The following CNIH3 variants were observed in gnomAD, a reference collection of about 807,000 sequenced individuals.
CNIH3 encodes protein cornichon homolog 3.
A neutral mutation model predicts 24.1 loss-of-function variants in CNIH3; 14 were observed. That is an observed-to-expected ratio of 0.58 (90% CI 0.38 to 0.91). The LOEUF (loss-of-function observed/expected upper bound fraction) is 0.91, where lower values mean the gene tolerates loss of function less well. CNIH3 is among the 40% of genes least tolerant of loss of function. The probability of loss-of-function intolerance (pLI) is 0.00; values close to 1 mark genes in which losing one functional copy is unlikely to be tolerated. For synonymous variants in CNIH3, 68 were observed against 73.8 expected, an observed-to-expected ratio of 0.92 and a Z score of 0.40; for missense variants, 178 against 196.8, an observed-to-expected ratio of 0.90 and a Z score of 0.57.
At chr1:224,495,195 T>A (rs531978101) in intron 1 of CNIH3, among the ~76,000 whole-genome samples, 1 of 152,174 alleles carries the variant, frequency 6.6e-6, no homozygotes, top group Non-Finnish European at 1.5e-5. Flanking sequence ...AGCCTCCTCA[T>A]GTAAGGACTT....
At chr1:224,622,055 G>T (rs1683309779) in intron 1 of CNIH3, among the ~76,000 whole-genome samples, 1 of 152,188 alleles carries the variant, frequency 6.6e-6, no homozygotes, top group African/African-American at 2.4e-5. Flanking sequence ...CCATGATCAT[G>T]AGGCCTCCTC....
At chr1:224,567,417 G>A (rs1195217124) in intron 4 of CNIH3, among the ~76,000 whole-genome samples, 2 of 152,066 alleles carry the variant, frequency 1.3e-5, no homozygotes, top group African/African-American at 2.4e-5. Context: ...CATTGCTTTC[G>A]GTATTTTAGA....
At chr1:224,476,558 T>C (rs890804599) in intron 1 of CNIH3, among the ~76,000 whole-genome samples, 1 of 152,190 alleles carries the variant, frequency 6.6e-6, no homozygotes, top group African/African-American at 2.4e-5. Context: ...TTTTTTTGTC[T>C]GAATAGGAAA....
chr1:224,728,374 C>A (rs888236947), intron 3 of CNIH3, among the ~76,000 whole-genome samples: 1 of 152,064 alleles, frequency 6.6e-6, no homozygotes, highest in African/African-American at 2.4e-5. Flanking sequence ...TAAGGAGATA[C>A]AATAGGGACA....
chr1:224,561,866 A>G (rs1410319590), intron 3 of CNIH3, among the ~76,000 whole-genome samples: 1 of 152,200 alleles, frequency 6.6e-6, no homozygotes, highest in Admixed American at 6.5e-5. Context: ...GTCATGCTTC[A>G]GTGTCAAAGG....
At chr1:224,726,658 C>T (rs1339584561) in intron 3 of CNIH3, among the ~76,000 whole-genome samples, 4 of 152,250 alleles carry the variant, frequency 2.6e-5, no homozygotes, top group East Asian at 1.9e-4. Flanking sequence ...AGGTTTTACT[C>T]GCCCTTTCCA....
intron 4 of CNIH3, among the ~76,000 whole-genome samples, chr1:224,733,962 T>A (rs1234233819): frequency 1.3e-5 from 2 of 152,140 alleles, no homozygotes; most frequent in East Asian, 1.9e-4. Context: ...TACACACAGT[T>A]CGCGTTAGCT....
chr1:224,535,771 G>A (rs538566305), intron 2 of CNIH3, among the ~76,000 whole-genome samples: 6 of 152,324 alleles, frequency 3.9e-5, no homozygotes, highest in African/African-American at 1.4e-4. Context: ...AACAGTGGGT[G>A]CCATTAAATC....
intron 1 of CNIH3, among the ~76,000 whole-genome samples, chr1:224,441,869 A>G (rs1248515171): frequency 6.6e-6 from 1 of 152,194 alleles, no homozygotes; most frequent in Non-Finnish European, 1.5e-5. Flanking sequence ...CCTAAATTTT[A>G]AAAAATTTAT....
intron 1 of CNIH3, among the ~76,000 whole-genome samples, chr1:224,506,265 G>GCA (rs1287404274): frequency 1.6e-4 from 17 of 105,418 alleles, no homozygotes; most frequent in East Asian, 5.9e-4. Context: ...TCATATGCAC[G>GCA]CACACGCGCG....
chr1:224,562,100 G>A (rs1164543243), intron 3 of CNIH3, among the ~76,000 whole-genome samples: 1 of 152,104 alleles, frequency 6.6e-6, no homozygotes, highest in African/African-American at 2.4e-5. Context: ...GCTAATTAAG[G>A]GATTTTTGTG....
chr1:224,479,901 G>A (rs1019144200), intron 1 of CNIH3, among the ~76,000 whole-genome samples: 1 of 152,188 alleles, frequency 6.6e-6, no homozygotes, highest in Non-Finnish European at 1.5e-5. Context: ...CTACCATTTG[G>A]GGGTCTGGAG....
chr1:224,496,814 C>T (rs1171200873), intron 1 of CNIH3, among the ~76,000 whole-genome samples: 4 of 152,126 alleles, frequency 2.6e-5, no homozygotes, highest in African/African-American at 9.7e-5. Context: ...AATGCAATAC[C>T]ATAGCTGATA....
intron 1 of CNIH3, among the ~76,000 whole-genome samples, chr1:224,626,749 T>C (rs1683552321): frequency 6.6e-6 from 1 of 152,118 alleles, no homozygotes; most frequent in South Asian, 2.1e-4. Flanking sequence ...CTCCAGCCGG[T>C]CTCCCACAAC....
At chr1:224,635,306 A>G (rs570704163) in intron 1 of CNIH3, among the ~76,000 whole-genome samples, 1 of 152,166 alleles carries the variant, frequency 6.6e-6, no homozygotes, top group African/African-American at 2.4e-5. Context: ...ACACTTGGGG[A>G]TTACTATTCG....
chr1:224,649,151 G>A (rs1280687690), intron 1 of CNIH3, among the ~76,000 whole-genome samples: 2 of 152,194 alleles, frequency 1.3e-5, no homozygotes, highest in African/African-American at 4.8e-5. Flanking sequence ...CATATAAGGT[G>A]ATTAAGTCAA....
At chr1:224,670,638 C>A (rs1481550549) in intron 1 of CNIH3, among the ~76,000 whole-genome samples, 4 of 152,166 alleles carry the variant, frequency 2.6e-5, no homozygotes, top group Non-Finnish European at 4.4e-5. Flanking sequence ...ACACACTTTT[C>A]CCAACTTGCT....
intron 3 of CNIH3, among the ~76,000 whole-genome samples, chr1:224,705,586 G>C (rs1426389405): frequency 1.3e-5 from 2 of 152,218 alleles, no homozygotes; most frequent in East Asian, 3.8e-4. Context: ...GGATGTTCAA[G>C]GTATTGAACC....
At position 224,559,773 on chromosome 1, in the gene CNIH3, A is replaced by G. The variant is rs1477104603; in HGVS notation, n.451-6426A>G. Among the ~76,000 whole-genome samples the G allele has an allele frequency of 3.3e-5, 5 of 152,312 alleles. No homozygotes were observed. The East Asian group carries it at 9.6e-4, about 29-fold the overall frequency. ...AGTAAAGTTTTTTTGAATTATTATA[A>G]AGCAAACACTCAGGGCAAAAATAGT... On this transcript the variant is annotated intron_variant and non_coding_transcript_variant, in intron 3 of 5. Transcript: ENST00000471578.
Sources: allele counts gnomAD v4.1 joint callset (sites outside exome capture counted in the v4.1 genomes callset), GRCh38; gene constraint gnomAD v4.1.1; transcripts MANE v1.5; gene names NCBI Gene and HGNC (gene_info 2026-07-23, HGNC 2026-07-21).